ECPAS: variants seen among roughly 807,000 people sequenced by gnomAD.
ECPAS encodes the protein proteasome adapter and scaffold protein ECM29.
ECPAS carries 70 observed loss-of-function variants against 255.1 expected under a neutral mutation model. The observed-to-expected ratio is 0.27, with a 90% CI of 0.23 to 0.33. The LOEUF is 0.33. Among genes scored for constraint, ECPAS ranks in the 10% least tolerant of loss-of-function variants. The pLI is 1.00. For missense variants in ECPAS, 1,817 were observed against 2,206.4 expected, an observed-to-expected ratio of 0.82 and a Z score of 3.54; for synonymous variants, 784 against 775.0, an observed-to-expected ratio of 1.01 and a Z score of -0.19.
At chr9:111,441,714 ACTT>A (rs1286282275) in intron 5 of ECPAS, among the ~76,000 whole-genome samples, 6 of 152,160 alleles carry the variant, frequency 3.9e-5, no homozygotes, top group East Asian at 3.9e-4. Context: ...TTACTTGTAA[ACTT>A]CTTCTGTATT....
chr9:111,476,904 A>C (rs985522969), intron 1 of ECPAS, among the ~76,000 whole-genome samples: 4 of 151,870 alleles, frequency 2.6e-5, no homozygotes, highest in Non-Finnish European at 4.4e-5. Flanking sequence ...CTCAAACCTC[A>C]GGAACTCTAA....
At chr9:111,470,135 A>T in intron 2 of ECPAS, among the ~76,000 whole-genome samples, 1 of 152,140 alleles carries the variant, frequency 6.6e-6, no homozygotes, top group Admixed American at 6.6e-5. Context: ...GTCCTTTGCT[A>T]GTAACTCTGC....
intron 48 of ECPAS, chr9:111,365,884 T>C: frequency 5.0e-6 from 1 of 199,888 alleles, no homozygotes; most frequent in Non-Finnish European, 1.0e-5. Flanking sequence ...GAAGTCCAAA[T>C]GACAAAGCAA....
chr9:111,374,946 G>T (rs2098131663), intron 38 of ECPAS, among the ~76,000 whole-genome samples, 167 bp downstream of exon 38: 1 of 152,106 alleles, frequency 6.6e-6, no homozygotes, highest in Non-Finnish European at 1.5e-5. Context: ...TTTATTTCTT[G>T]AACCAGTTAC....
At chr9:111,445,873 T>C (rs2098252250) in intron 3 of ECPAS, among the ~76,000 whole-genome samples, 1 of 151,892 alleles carries the variant, frequency 6.6e-6, no homozygotes, top group Non-Finnish European at 1.5e-5. Flanking sequence ...TTCCCTGCCC[T>C]GTGTCCACGT....
intron 29 of ECPAS, among the ~76,000 whole-genome samples, chr9:111,390,941 G>C (rs994576774): frequency 9.2e-5 from 14 of 152,328 alleles, no homozygotes; most frequent in Admixed American, 7.2e-4. Flanking sequence ...AGCTGCCTGA[G>C]AGCTGACAGC....
At chr9:111,388,951 A>C (rs2098154983) in intron 31 of ECPAS, among the ~76,000 whole-genome samples, 1 of 152,220 alleles carries the variant, frequency 6.6e-6, no homozygotes, top group South Asian at 2.1e-4. Context: ...TTTTCAAGTA[A>C]ACAGTTACAT....
chr9:111,478,396 G>A (rs2098299274), intron 1 of ECPAS, among the ~76,000 whole-genome samples: 2 of 151,838 alleles, frequency 1.3e-5, no homozygotes, highest in African/African-American at 4.8e-5. Flanking sequence ...GCGCAGTGTC[G>A]CACACCTGTA....
intron 25 of ECPAS, among the ~76,000 whole-genome samples, chr9:111,395,894 C>T (rs1031609762): frequency 1.3e-5 from 2 of 152,196 alleles, no homozygotes; most frequent in African/African-American, 2.4e-5. Flanking sequence ...CAAAGAAAAA[C>T]CTCAAAGAAC....
chr9:111,394,810 C>A (rs1361889040), intron 25 of ECPAS, among the ~76,000 whole-genome samples: 3 of 152,162 alleles, frequency 2.0e-5, no homozygotes, highest in African/African-American at 7.2e-5. Flanking sequence ...TGGCACCCAC[C>A]CTCCCCAGTG....
chr9:111,431,357 A>AGGCCAGCCT (rs916854316), intron 8 of ECPAS, among the ~76,000 whole-genome samples: 1 of 152,162 alleles, frequency 6.6e-6, no homozygotes, highest in Non-Finnish European at 1.5e-5. Context: ...TAGGAGTTCA[A>AGGCCAGCCT]GGCCAGCCTG....
chr9:111,450,278 C>T (rs903527914), intron 3 of ECPAS, among the ~76,000 whole-genome samples: 1 of 152,126 alleles, frequency 6.6e-6, no homozygotes. Flanking sequence ...TAAGAGAAGG[C>T]CACAGAAGGG....
chr9:111,417,009 C>T (rs2131761105), intron 17 of ECPAS, among the ~76,000 whole-genome samples: 1 of 152,182 alleles, frequency 6.6e-6, no homozygotes, highest in South Asian at 2.1e-4. Flanking sequence ...CTTACACTAC[C>T]CTAAAGCGTG....
At position 111,436,947 on chromosome 9, in the gene ECPAS, A is replaced by G. The variant is rs1161071181; in HGVS notation, c.701T>C (p.Leu234Ser). The G allele has an allele frequency of 1.2e-5, 19 of 1,602,110 alleles. No homozygotes were observed. The highest frequency in any genetic ancestry group is 1.1e-4 in the East Asian group (5 of 44,318). ...IGDNPWTPEQ[L>S]EQCKLGIVKF... ...GCAAGCCTTGTGTGATACCTGTTCC[A>G]ATTGTTCAGGTGTCCATGGGTTATC... The change falls in exon 7 of 50, where the codon TTG becomes TCG. Residue 234 changes from leucine (L) to serine (S), a missense_variant. By Grantham distance (145) the Leu-to-Ser change is moderately radical. Around this residue, in one of 4 missense-constraint regions of ECPAS, gnomAD observed 573 missense variants for 716.2 expected, o/e 0.80. Coordinates refer to ENST00000684092, the MANE Select transcript of ECPAS (RefSeq NM_001364929.1).
chr9:111,422,990 A>G (rs1364025746), intron 13 of ECPAS, among the ~76,000 whole-genome samples: 1 of 152,216 alleles, frequency 6.6e-6, no homozygotes, highest in Non-Finnish European at 1.5e-5. Context: ...CAAGACCACC[A>G]TTTAATACAG....
At chr9:111,450,985 G>A (rs774668815) in intron 3 of ECPAS, among the ~76,000 whole-genome samples, 2 of 152,172 alleles carry the variant, frequency 1.3e-5, no homozygotes, top group African/African-American at 2.4e-5. Context: ...CTTTTTGTAA[G>A]AGTACTTTGC....
In ECPAS at chr9:111,396,372, T is replaced by A. The variant is rs543512777; in HGVS notation, c.2776+658A>T. On this transcript the variant is annotated intron_variant, in intron 25 of 49. Coordinates refer to ENST00000684092, the MANE Select transcript of ECPAS (RefSeq NM_001364929.1). ...GAGCGCTAGCAGAAGGCACTGAGGC[T>A]TCATTATGTAATAAAGGATTAGAGG... is the stretch of plus-strand genomic sequence containing the variant. 7.2e-5 allele frequency among the ~76,000 whole-genome samples: 11 copies of A among 152,274 alleles called. No homozygotes were observed. In the South Asian group the frequency reaches 2.1e-3, roughly 29 times the overall value.
At chr9:111,449,503 T>A (rs1351749021) in intron 3 of ECPAS, among the ~76,000 whole-genome samples, 3 of 152,108 alleles carry the variant, frequency 2.0e-5, no homozygotes, top group Non-Finnish European at 2.9e-5. Context: ...TAAAATTTAT[T>A]TTTTTAAAAA....
chr9:111,479,980 C>CAAA (rs55754008), intron 1 of ECPAS, among the ~76,000 whole-genome samples: 14 of 79,548 alleles, frequency 1.8e-4, no homozygotes, highest in Admixed American at 5.3e-4. Context: ...AACTCCGTCT[C>CAAA]AAAAAAAAAA....
Sources: gnomAD v4.1 joint callset for allele counts (sites outside exome capture counted in the v4.1 genomes callset) on GRCh38, gnomAD v4.1.1 for gene constraint, gnomAD v4.1.1 regional missense constraint, MANE v1.5 for transcripts, NCBI Gene and HGNC (gene_info 2026-07-23, HGNC 2026-07-21) for gene names.